Variants in SYN3 observed in about 807,000 individuals in gnomAD.
SYN3 encodes synapsin-3.
SYN3 carries 35 observed loss-of-function variants against 65.8 expected under a neutral mutation model. That is an observed-to-expected ratio of 0.53 (90% CI 0.41 to 0.70). SYN3 has a LOEUF of 0.70. Ranked by LOEUF, SYN3 falls within the 30% of genes least tolerant of loss-of-function variation. SYN3 has a pLI of 0.00. For missense variants in SYN3, 680 were observed against 749.0 expected, an observed-to-expected ratio of 0.91 and a Z score of 1.08; for synonymous variants, 270 against 292.9, an observed-to-expected ratio of 0.92 and a Z score of 0.80.
intron 3 of SYN3, among the ~76,000 whole-genome samples, chr22:32,977,516 C>T (rs922115121): frequency 1.3e-5 from 2 of 151,788 alleles, no homozygotes; most frequent in African/African-American, 4.8e-5. Context: ...GAGGCCGAGG[C>T]GGGTGGATCA....
intron 6 of SYN3, among the ~76,000 whole-genome samples, chr22:32,813,159 T>C (rs2046958040): frequency 6.6e-6 from 1 of 152,214 alleles, no homozygotes; most frequent in Admixed American, 6.5e-5. Flanking sequence ...TACTCACTCC[T>C]ACCAAATATG....
chr22:32,643,549 T>TGGGG (rs34967500), intron 6 of SYN3, among the ~76,000 whole-genome samples: 5 of 4,518 alleles, frequency 1.1e-3, no homozygotes, highest in African/African-American at 2.9e-3. Context: ...TTAGAAATGG[T>TGGGG]GGGGGGGCGG....
chr22:32,896,494 TATC>T (rs1427692032), intron 4 of SYN3, among the ~76,000 whole-genome samples: 1 of 152,096 alleles, frequency 6.6e-6, no homozygotes, highest in Non-Finnish European at 1.5e-5. Context: ...AGCAGCTCAT[TATC>T]ATAAGACATA....
At chr22:32,778,216 G>T (rs1053167262) in intron 6 of SYN3, among the ~76,000 whole-genome samples, 7 of 152,188 alleles carry the variant, frequency 4.6e-5, no homozygotes, top group Admixed American at 3.9e-4. Flanking sequence ...CAGTTTTCAT[G>T]CCCTCTAAGT....
At chr22:32,773,731 A>T (rs1351319577) in intron 6 of SYN3, among the ~76,000 whole-genome samples, 1 of 152,156 alleles carries the variant, frequency 6.6e-6, no homozygotes, top group Non-Finnish European at 1.5e-5. Flanking sequence ...TGTTCATAAG[A>T]GGATCATGGT....
At chr22:32,615,432 T>TAAAAAAAAAAAAAAAAA (rs1190319833) in intron 6 of SYN3, among the ~76,000 whole-genome samples, 3 of 74,410 alleles carry the variant, frequency 4.0e-5, no homozygotes, top group African/African-American at 6.7e-5. Context: ...AGACTTCATC[T>TAAAAAAAAAAAAAAAAA]AAAAAAAAAA....
At chr22:32,942,845 T>C (rs1363836388) in intron 3 of SYN3, among the ~76,000 whole-genome samples, 2 of 152,176 alleles carry the variant, frequency 1.3e-5, no homozygotes, top group Non-Finnish European at 2.9e-5. Flanking sequence ...AAGGGTATCA[T>C]TGATTAAAGA....
intron 6 of SYN3, among the ~76,000 whole-genome samples, chr22:32,790,466 C>T (rs190735625): frequency 2.4e-4 from 36 of 150,978 alleles, no homozygotes; most frequent in African/African-American, 8.3e-4. Context: ...CGCTTTGTTG[C>T]CCAGGATGGA....
chr22:32,548,061 C>T (rs537030015), intron 7 of SYN3, among the ~76,000 whole-genome samples: 40 of 152,322 alleles, frequency 2.6e-4, no homozygotes, highest in African/African-American at 7.7e-4. Flanking sequence ...CCAGGCCCTT[C>T]ACCATCATGA....
Position 32,707,992 on chromosome 22 carries a change from A to G in SYN3, c.712-111256T>C, listed in dbSNP as rs527795120. On this transcript the variant is annotated intron_variant, in intron 6 of 13. Transcript: ENST00000358763. ...CAGTGCTCTGCAGCATAGATCAGAA[A>G]CTAAGACTTAGAGCCCTTAGATGAT... Among the ~76,000 whole-genome samples the G allele has an allele frequency of 2.0e-5, 3 of 152,360 alleles. No individual in the cohort carries two copies. In the South Asian group the frequency reaches 6.2e-4, roughly 32 times the overall value.
chr22:32,613,096 T>A (rs1601759291), intron 6 of SYN3, among the ~76,000 whole-genome samples: 1 of 152,024 alleles, frequency 6.6e-6, no homozygotes, highest in Non-Finnish European at 1.5e-5. Context: ...CCCTTCACCC[T>A]CCTACCATGA....
Position 32,801,709 on chromosome 22 carries a change from C to A in SYN3, c.711+63206G>T. ...CGGCCGCCCAGGCAGCGGCGCAGAG[C>A]GGGCAGCAGGCAGGCGGCGGGCGCT... On this transcript the variant is annotated intron_variant, in intron 6 of 13. Transcript: ENST00000358763. This position sits in a 1 kb window ranked among gnomAD's most constrained non-coding sequence, Gnocchi z 4.7. The A allele has an allele frequency of 5.2e-6, 1 of 192,412 alleles. No individual in the cohort carries two copies. The highest frequency in any genetic ancestry group is 1.0e-5 in the Non-Finnish European group (1 of 96,406). 11.9% of individuals were successfully genotyped at this position (192,412 alleles called of 1,614,324 possible).
chr22:32,633,341 G>C (rs1392984755), intron 6 of SYN3, among the ~76,000 whole-genome samples: 1 of 152,178 alleles, frequency 6.6e-6, no homozygotes, highest in South Asian at 2.1e-4. Context: ...GGGTCACACA[G>C]TTAAGTGGCA....
At chr22:32,798,689 T>A (rs1226132907) in intron 6 of SYN3, among the ~76,000 whole-genome samples, 1 of 142,366 alleles carries the variant, frequency 7.0e-6, no homozygotes, top group Non-Finnish European at 1.5e-5. Context: ...TTCATTCTTT[T>A]TTTTTTTTTT....
intron 2 of SYN3, among the ~76,000 whole-genome samples, chr22:32,983,401 C>T (rs1365158662): frequency 6.6e-6 from 1 of 152,014 alleles, no homozygotes; most frequent in Non-Finnish European, 1.5e-5. Context: ...TGAAAGAATC[C>T]TTTCTACAAA....
At chr22:33,038,879 G>A (rs2053909260) in intron 1 of SYN3, among the ~76,000 whole-genome samples, 1 of 152,182 alleles carries the variant, frequency 6.6e-6, no homozygotes, top group African/African-American at 2.4e-5. Flanking sequence ...TCCCTGAGCT[G>A]CAGGCGGAAG....
intron 4 of SYN3, among the ~76,000 whole-genome samples, chr22:32,873,571 G>A (rs997720942): frequency 2.0e-5 from 3 of 152,150 alleles, no homozygotes; most frequent in Non-Finnish European, 2.9e-5. Flanking sequence ...GAGCCCATGC[G>A]GAAATCCTCT....
chr22:32,733,617 T>C lies in SYN3; in HGVS notation c.711+131298A>G, dbSNP rs141332259. On this transcript the variant is annotated intron_variant, in intron 6 of 13. Transcript: ENST00000358763. ...TGTGGCCTCCTTAAGGCAACAGCCT[T>C]ATCTTATTCATCTCTGTGTTCCAGT... Among the ~76,000 whole-genome samples the C allele has an allele frequency of 9.2e-5, 14 of 152,298 alleles. 1 individual carries two copies. In the East Asian group the frequency reaches 2.7e-3, roughly 29 times the overall value.
rs73881904 is a variant in SYN3, at chr22:32,876,980, T to C, written c.462-7855A>G. 9.1e-3 allele frequency among the ~76,000 whole-genome samples: 1,390 copies of C among 152,082 alleles called. 28 individuals carry two copies. The highest frequency in any genetic ancestry group is 0.033 in the African/African-American group (1,355 of 41,554). ...GATAGATAAATAGACGGTAGGTAGA[T>C]AGATAGATAGATATGAGAAATAAGT... On this transcript the variant is annotated intron_variant, in intron 4 of 13. Coordinates refer to ENST00000358763, the MANE Select transcript of SYN3 (RefSeq NM_003490.4).
Sources: gnomAD v4.1 joint callset for allele counts (sites outside exome capture counted in the v4.1 genomes callset) on GRCh38, gnomAD v4.1.1 for gene constraint, Gnocchi (gnomAD v3.1) non-coding constraint, MANE v1.5 for transcripts, NCBI Gene and HGNC (gene_info 2026-07-23, HGNC 2026-07-21) for gene names.